The following ZNF638 variants were observed in gnomAD, a reference collection of about 807,000 sequenced individuals.
ZNF638 encodes the protein zinc finger protein 638, also known as CTCL tumor antigen se33-1.
In ZNF638, 46 loss-of-function variants were observed where a neutral mutation model predicts 195.6. That is an observed-to-expected ratio of 0.24 (90% confidence interval 0.19 to 0.30). The LOEUF is 0.30. Among genes scored for constraint, ZNF638 ranks in the 10% least tolerant of loss-of-function variants. The pLI, the probability that ZNF638 is intolerant of heterozygous loss-of-function variation, is 1.00. For missense variants in ZNF638, 2,440 were observed against 2,325.3 expected (o/e 1.05, Z -1.01); for synonymous variants, 845 against 772.0 (o/e 1.09, Z -1.57).
At position 71,349,787 on chromosome 2, in the gene ZNF638, C is replaced by T. The variant is rs772720524; in HGVS notation, c.833C>T (p.Ser278Phe). ...VFRQMDFPGE[S>F]SNNRSFFSVE... Reference sequence around the variant, plus strand: ...CGCCAAATGGACTTCCCCGGTGAGTCCTCCAATAATCGGTCCTTTTTCTCA... The same window carrying T: ...CGCCAAATGGACTTCCCCGGTGAGTTCTCCAATAATCGGTCCTTTTTCTCA... Residue 278 changes from serine to phenylalanine, a missense_variant, in exon 2 of 28, where the codon TCC (serine) becomes TTC (phenylalanine). Ser to Phe is a radical substitution (Grantham distance 155, BLOSUM62 -2). Around this residue, in one of 5 missense-constraint regions of ZNF638, gnomAD observed 305 missense variants for 283.6 expected, o/e 1.08. Transcript: ENST00000264447. The T allele has an allele frequency of 8.1e-6, 13 of 1,614,034 alleles. No individual in the cohort carries two copies. In the South Asian group the frequency reaches 1.4e-4, roughly 18 times the overall value.
chr2:71,406,442 C>T (rs2080107287), intron 19 of ZNF638, among the ~76,000 whole-genome samples, 180 bp downstream of exon 19: 1 of 152,134 alleles, frequency 6.6e-6, no homozygotes. Context: ...GAGATGACCT[C>T]TCTTTTTTCA....
At chr2:71,377,851 G>A (rs2079461071) in intron 8 of ZNF638, among the ~76,000 whole-genome samples, 1 of 152,186 alleles carries the variant, frequency 6.6e-6, no homozygotes, top group Admixed American at 6.5e-5. Context: ...GCAGAAAACA[G>A]TTTAACTATA....
At chr2:71,424,102 A>G (rs537469426) in intron 22 of ZNF638, 64 bp downstream of exon 22, 14 of 1,537,162 alleles carry the variant, frequency 9.1e-6, no homozygotes, top group Middle Eastern at 1.8e-4. Context: ...TGCTGTAGCT[A>G]TGTAGTAGGA....
chr2:71,422,912 C>G lies in ZNF638; in HGVS notation c.3398C>G (p.Pro1133Arg). The G allele has an allele frequency of 6.2e-7, 1 of 1,614,032 alleles. No individual in the cohort carries two copies. The highest frequency in any genetic ancestry group is 8.5e-7 in the Non-Finnish European group (1 of 1,179,966). The part of the protein sequence containing the change: ...KPNELEEEST[P>R]SIQTETLVQQ... ...AATGAGCTTGAAGAAGAAAGTACTC[C>G]CAGCATTCAAACAGAAACTTTGGTA... The change falls in exon 22 of 28, where the codon CCC (proline) becomes CGC (arginine). Residue 1133 changes from proline to arginine, a missense_variant. By Grantham distance (103) the Pro-to-Arg change is moderately radical (BLOSUM62 -2). Coordinates refer to ENST00000264447, the MANE Select transcript of ZNF638 (RefSeq NM_014497.5).
At chr2:71,371,439 T>C (rs920298425) in intron 8 of ZNF638, among the ~76,000 whole-genome samples, 1 of 152,176 alleles carries the variant, frequency 6.6e-6, no homozygotes, top group African/African-American at 2.4e-5. Flanking sequence ...TCCATAGTGA[T>C]CGTACTAATT....
At chr2:71,429,200 G>A (rs1008446383) in intron 25 of ZNF638, among the ~76,000 whole-genome samples, 17 of 152,178 alleles carry the variant, frequency 1.1e-4, no homozygotes, top group Admixed American at 3.9e-4. Context: ...CACCTTGCCA[G>A]TATGATTTAA....
At chr2:71,410,992 C>CCCT (rs1553484599) in intron 20 of ZNF638, among the ~76,000 whole-genome samples, 27 of 24,516 alleles carry the variant, frequency 1.1e-3, no homozygotes, top group African/African-American at 3.1e-3. Context: ...CTCCCCCCCC[C>CCCT]TTTTTTTTTT....
intron 1 of ZNF638, among the ~76,000 whole-genome samples, chr2:71,347,173 G>T (rs2078864796): frequency 6.6e-6 from 1 of 152,172 alleles, no homozygotes; most frequent in Admixed American, 6.5e-5. Context: ...GAGATGAAGA[G>T]ATTTGGGAAG....
At chr2:71,417,184 C>A (rs2080314748) in intron 20 of ZNF638, among the ~76,000 whole-genome samples, 1 of 151,708 alleles carries the variant, frequency 6.6e-6, no homozygotes, top group Admixed American at 6.6e-5. Context: ...TCGTGGTGTG[C>A]CGTTTCTTAA....
intron 1 of ZNF638, among the ~76,000 whole-genome samples, chr2:71,337,676 G>C (rs767591187): frequency 6.6e-6 from 1 of 152,210 alleles, no homozygotes; most frequent in East Asian, 1.9e-4. Flanking sequence ...AAAGTAGTAA[G>C]ATTACGTGCA....
chr2:71,419,577 G>C (rs1181593220), intron 21 of ZNF638, among the ~76,000 whole-genome samples: 4 of 152,146 alleles, frequency 2.6e-5, no homozygotes, highest in Non-Finnish European at 5.9e-5. Context: ...CAATAGGTTT[G>C]CTCTGTGTGT....
chr2:71,414,198 G>A, intron 20 of ZNF638, among the ~76,000 whole-genome samples: 1 of 79,520 alleles, frequency 1.3e-5, no homozygotes, highest in African/African-American at 5.0e-5. Context: ...TCCTGGTTTA[G>A]TCTTGGGAGA....
At chr2:71,366,129 C>T (rs975002305) in intron 6 of ZNF638, among the ~76,000 whole-genome samples, 4 of 152,132 alleles carry the variant, frequency 2.6e-5, no homozygotes, top group Admixed American at 6.5e-5. Flanking sequence ...CGGGGTGGAT[C>T]GCTCGAGCTT....
At chr2:71,419,974 C>CCTTTTTTTT (rs1189202093) in intron 21 of ZNF638, among the ~76,000 whole-genome samples, 4 of 27,024 alleles carry the variant, frequency 1.5e-4, no homozygotes, top group Non-Finnish European at 1.7e-4. Flanking sequence ...CCCCCCCCGC[C>CCTTTTTTTT]TTTTTTTTTT....
At chr2:71,369,276 TG>T (rs2079263258) in intron 7 of ZNF638, among the ~76,000 whole-genome samples, 1 of 143,028 alleles carries the variant, frequency 7.0e-6, no homozygotes, top group Non-Finnish European at 1.5e-5. Flanking sequence ...TGACTAGAGA[TG>T]GCGCCGCTGC....
rs750904439 is a variant in ZNF638, at chr2:71,396,221, A to G, written c.2428+30A>G. 6.3e-6 allele frequency: 10 copies of G among 1,579,750 alleles called. No individual in the cohort carries two copies. In the African/African-American group the frequency reaches 8.2e-5, roughly 13 times the overall value. The stretch of plus-strand genomic sequence containing the variant: ...GTTTTTTTAATTAGGATTCTAGACT[A>G]TTAGTTAAAACTTTAATGTATTTTA... On this transcript the variant is annotated intron_variant, in intron 11 of 27. Coordinates refer to ENST00000264447, the MANE Select transcript of ZNF638 (RefSeq NM_014497.5).
intron 19 of ZNF638, among the ~76,000 whole-genome samples, chr2:71,406,625 A>G (rs1322101773): frequency 6.6e-6 from 1 of 152,202 alleles, no homozygotes; most frequent in African/African-American, 2.4e-5. Context: ...TGAAAGGGGT[A>G]TTACCCAATA....
chr2:71,390,776 T>C (rs56871315), intron 10 of ZNF638, among the ~76,000 whole-genome samples: 14,859 of 152,198 alleles, frequency 0.098, 799 homozygotes, highest in South Asian at 0.13. Flanking sequence ...AACTTGGCCT[T>C]GGGTCACTCA....
At chr2:71,387,453 T>G (rs1051091969) in intron 10 of ZNF638, among the ~76,000 whole-genome samples, 1 of 152,102 alleles carries the variant, frequency 6.6e-6, no homozygotes, top group Admixed American at 6.5e-5. Context: ...GCTGGATCAC[T>G]TGAGGCCAGG....
Sources: gnomAD v4.1 joint callset for allele counts (sites outside exome capture counted in the v4.1 genomes callset) on GRCh38, gnomAD v4.1.1 for gene constraint, gnomAD v4.1.1 regional missense constraint, MANE v1.5 for transcripts, NCBI Gene and HGNC (gene_info 2026-07-23, HGNC 2026-07-21) for gene names.